The following ANKFN1 variants were observed in gnomAD, a reference collection of about 807,000 sequenced individuals.
ANKFN1 encodes ankyrin repeat and fibronectin type III domain containing 1.
Under a neutral mutation model 108.7 loss-of-function variants are expected in ANKFN1, and 74 were observed. The observed-to-expected ratio is 0.68, with a 90% CI of 0.56 to 0.83. The LOEUF (loss-of-function observed/expected upper bound fraction) is 0.83, where lower values mean the gene tolerates loss of function less well. Ranked by LOEUF, ANKFN1 falls within the 40% of genes least tolerant of loss-of-function variation. The pLI, the probability that ANKFN1 is intolerant of heterozygous loss-of-function variation, is 0.00. For missense variants in ANKFN1, 1,505 were observed against 1,382.3 expected, an observed-to-expected ratio of 1.09 and a Z score of -1.41; for synonymous variants, 547 against 516.2, an observed-to-expected ratio of 1.06 and a Z score of -0.81.
At chr17:56,416,290 G>C (rs968311484) in intron 8 of ANKFN1, among the ~76,000 whole-genome samples, 1 of 152,210 alleles carries the variant, frequency 6.6e-6, no homozygotes, top group East Asian at 1.9e-4. Flanking sequence ...GAAAATGTTT[G>C]CAAACTACCC....
Position 56,492,197 on chromosome 17 carries a change from C to T in ANKFN1, c.2271C>T (p.Cys757=). 4 of 698,298 alleles carry T rather than the reference C, an allele frequency of 5.7e-6. No homozygotes were observed. Among genetic ancestry groups the T allele is most frequent in the Non-Finnish European group, 1.0e-5 (4 of 381,418 alleles). The allele number at this position is 698,298 out of a possible 1,614,324, so 43.3% of individuals were successfully genotyped here. A position where few individuals can be genotyped will look rare whatever the true frequency, so the allele number is the denominator to read the frequency against. Residue 757 remains cysteine (C), a synonymous_variant, in exon 19 of 21, where the codon TGC becomes TGT. Coordinates refer to ENST00000682825, the MANE Select transcript of ANKFN1 (RefSeq NM_001370326.1). ...PLQMFELVHF[C]SYREKFISLY... ...TTGTCCATTTTCCAGTTCATTTTTG[C>T]AGCTACAGAGAGAAATTTATTAGTC...
chr17:56,307,632 A>G (rs2044871980), intron 3 of ANKFN1, among the ~76,000 whole-genome samples: 1 of 152,330 alleles, frequency 6.6e-6, no homozygotes, highest in Non-Finnish European at 1.5e-5. Flanking sequence ...TGTTGGTGGG[A>G]CTGTAAACTA....
intron 3 of ANKFN1, among the ~76,000 whole-genome samples, chr17:56,230,781 CG>C: frequency 6.6e-6 from 1 of 152,096 alleles, no homozygotes; most frequent in Non-Finnish European, 1.5e-5. Context: ...TTGGTGATAT[CG>C]TGTGTTCCTT....
At chr17:56,433,311 A>T (rs1192993592) in intron 8 of ANKFN1, among the ~76,000 whole-genome samples, 1 of 152,180 alleles carries the variant, frequency 6.6e-6, no homozygotes, top group African/African-American at 2.4e-5. Flanking sequence ...AGCAACAAAG[A>T]CCTGTTTTAG....
intron 4 of ANKFN1, among the ~76,000 whole-genome samples, chr17:56,331,525 G>A (rs62075289): frequency 0.054 from 8,264 of 152,220 alleles, 306 homozygotes; most frequent in Middle Eastern, 0.13. Flanking sequence ...AACATGACAG[G>A]AAGTCTTGAC....
At chr17:56,109,315 C>T (rs1460055611) in intron 4 of ANKFN1, among the ~76,000 whole-genome samples, 2 of 152,130 alleles carry the variant, frequency 1.3e-5, no homozygotes, top group African/African-American at 4.8e-5. Flanking sequence ...TGGATGGAGC[C>T]TCCATCGAGA....
intron 8 of ANKFN1, among the ~76,000 whole-genome samples, chr17:56,378,446 T>G (rs2047000832): frequency 6.6e-6 from 1 of 152,186 alleles, no homozygotes; most frequent in Non-Finnish European, 1.5e-5. Context: ...ACCCTTTCTG[T>G]TTTTTCCTCC....
intron 1 of ANKFN1, among the ~76,000 whole-genome samples, chr17:56,198,733 C>T (rs1029888840): frequency 5.3e-5 from 8 of 152,110 alleles, no homozygotes; most frequent in Non-Finnish European, 7.4e-5. Context: ...TTTCCTTCCC[C>T]GCTGATCTGT....
intron 4 of ANKFN1, among the ~76,000 whole-genome samples, chr17:56,118,879 T>C (rs1174790882): frequency 6.6e-6 from 1 of 152,174 alleles, no homozygotes; most frequent in Non-Finnish European, 1.5e-5. Flanking sequence ...ATTTGAAAGA[T>C]ATTTAAGAAA....
At chr17:56,095,601 C>G (rs1905519332) in intron 4 of ANKFN1, among the ~76,000 whole-genome samples, 1 of 152,140 alleles carries the variant, frequency 6.6e-6, no homozygotes, top group Non-Finnish European at 1.5e-5. Context: ...CACATCTGGT[C>G]TGAATGCTTT....
At chr17:56,073,984 T>C (rs1215765047) in intron 4 of ANKFN1, among the ~76,000 whole-genome samples, 1 of 152,234 alleles carries the variant, frequency 6.6e-6, no homozygotes, top group African/African-American at 2.4e-5. Flanking sequence ...GTTTCAGAGG[T>C]TGTTTTCAAT....
chr17:56,401,776 C>G (rs2047774064), intron 8 of ANKFN1, among the ~76,000 whole-genome samples: 1 of 152,032 alleles, frequency 6.6e-6, no homozygotes, highest in African/African-American at 2.4e-5. Context: ...TTCCAGTTCT[C>G]AGAGGGAATG....
chr17:56,086,459 C>T (rs8064889), intron 4 of ANKFN1, among the ~76,000 whole-genome samples: 10,797 of 151,254 alleles, frequency 0.071, 1,486 homozygotes, highest in African/African-American at 0.25. Context: ...TGGATTGGCC[C>T]CCACTGGGAA....
intron 20 of ANKFN1, among the ~76,000 whole-genome samples, chr17:56,506,628 G>C (rs1598737519): frequency 6.6e-6 from 1 of 150,922 alleles, no homozygotes; most frequent in Non-Finnish European, 1.5e-5. Context: ...ATTTGTTCCA[G>C]CAGCCACAGG....
chr17:56,191,502 G>A (rs1257226115), intron 1 of ANKFN1, among the ~76,000 whole-genome samples: 1 of 42,900 alleles, frequency 2.3e-5, no homozygotes, highest in Non-Finnish European at 3.5e-5. Context: ...TGAAATTCTG[G>A]GTTGAAAATT....
At chr17:56,063,714 G>A (rs181751981) in intron 4 of ANKFN1, among the ~76,000 whole-genome samples, 191 of 151,926 alleles carry the variant, frequency 1.3e-3, no homozygotes, top group African/African-American at 4.4e-3. Flanking sequence ...GCTCAGCATG[G>A]TTTTGTATTA....
chr17:56,195,064 C>G (rs141723994), intron 1 of ANKFN1, among the ~76,000 whole-genome samples: 88 of 152,284 alleles, frequency 5.8e-4, no homozygotes, highest in Non-Finnish European at 1.0e-3. Flanking sequence ...AGTTGCATCT[C>G]TTAGCTCCCT....
chr17:56,273,989 G>A (rs907515998), intron 3 of ANKFN1, among the ~76,000 whole-genome samples: 1 of 152,126 alleles, frequency 6.6e-6, no homozygotes, highest in East Asian at 1.9e-4. Flanking sequence ...TCAATGACAG[G>A]TTCCCCAAGA....
At chr17:56,456,695 T>C (rs1365621314) in intron 11 of ANKFN1, among the ~76,000 whole-genome samples, 166 bp from the exon 12 acceptor site, 1 of 151,810 alleles carries the variant, frequency 6.6e-6, no homozygotes, top group African/African-American at 2.4e-5. Context: ...CGTGCCCGGC[T>C]ACAAGAGCTT....
Sources: gnomAD v4.1 joint callset for allele counts (sites outside exome capture counted in the v4.1 genomes callset) on GRCh38, gnomAD v4.1.1 for gene constraint, MANE v1.5 for transcripts, NCBI Gene and HGNC (gene_info 2026-07-23, HGNC 2026-07-21) for gene names.